Variants in DRC2 observed in about 807,000 individuals in gnomAD.
The protein encoded by DRC2 is dynein regulatory complex subunit 2.
At chr12:48,914,809 TC>T in the DRC2 span, among the ~76,000 whole-genome samples, 2 of 152,100 alleles carry the variant, frequency 1.3e-5, no homozygotes, top group African/African-American at 4.8e-5. Flanking sequence ...CCACCCACTT[TC>T]TTCTTTTTTT....
chr12:48,914,713 C>A, the DRC2 span: 1 of 767,472 alleles, frequency 1.3e-6, no homozygotes, highest in Non-Finnish European at 2.0e-6. Flanking sequence ...CAGAGAATAT[C>A]TTGGTTCCTT....
chr12:48,908,594 T>G, the DRC2 span, among the ~76,000 whole-genome samples: 1 of 122,264 alleles, frequency 8.2e-6, no homozygotes, highest in African/African-American at 2.8e-5. Context: ...TTATTATTAT[T>G]ATTATTATTA....
At chr12:48,921,451 T>A in the DRC2 span, 1,062 of 1,600,644 alleles carry the variant, frequency 6.6e-4, 2 homozygotes, top group African/African-American at 0.012. Context: ...TAAAATATAA[T>A]TGAAGCAGCC....
At chr12:48,912,834 TATG>T in the DRC2 span, among the ~76,000 whole-genome samples, 67 of 152,228 alleles carry the variant, frequency 4.4e-4, no homozygotes, top group African/African-American at 1.5e-3. Flanking sequence ...TGCTATTTTT[TATG>T]ATAAGATACC....
the DRC2 span, chr12:48,921,475 A>G: frequency 6.4e-7 from 1 of 1,573,612 alleles, no homozygotes; most frequent in Non-Finnish European, 8.6e-7. Flanking sequence ...ATGATCTTCC[A>G]CAACCTGTGA....
chr12:48,919,754 C>T, the DRC2 span, among the ~76,000 whole-genome samples: 6 of 151,884 alleles, frequency 4.0e-5, no homozygotes, highest in East Asian at 7.9e-4. Context: ...CTGACCTCAG[C>T]GATCCACCCA....
the DRC2 span, among the ~76,000 whole-genome samples, chr12:48,919,531 T>G: frequency 2.6e-5 from 4 of 151,324 alleles, no homozygotes; most frequent in African/African-American, 9.7e-5. Context: ...TTTTTTTTTT[T>G]GAGACGAAGT....
chr12:48,918,003 G>T, the DRC2 span: 1 of 381,976 alleles, frequency 2.6e-6, no homozygotes, highest in Non-Finnish European at 4.7e-6. Context: ...GGCAACACTG[G>T]GCCACATTTC....
the DRC2 span, among the ~76,000 whole-genome samples, chr12:48,919,070 ATTAAT>A: frequency 1.5e-4 from 23 of 152,076 alleles, no homozygotes; most frequent in Non-Finnish European, 1.9e-4. Context: ...ATTAAATTAA[ATTAAT>A]TTATTTATTT....
chr12:48,913,744 C>T, the DRC2 span, among the ~76,000 whole-genome samples: 1 of 152,064 alleles, frequency 6.6e-6, no homozygotes. Context: ...ATCCACCCGC[C>T]TTGGCCTCCC....
the DRC2 span, chr12:48,904,517 C>T: frequency 9.5e-6 from 15 of 1,578,472 alleles, no homozygotes; most frequent in Non-Finnish European, 1.3e-5. Flanking sequence ...CACCCCCTGC[C>T]CTGGCCCTGT....
chr12:48,912,122 T>C, the DRC2 span, among the ~76,000 whole-genome samples: 1 of 151,746 alleles, frequency 6.6e-6, no homozygotes, highest in East Asian at 1.9e-4. Context: ...TAGCCAGGTG[T>C]GGTGGTGTGT....
At chr12:48,918,596 T>C in the DRC2 span, 7 of 1,498,050 alleles carry the variant, frequency 4.7e-6, no homozygotes, top group East Asian at 1.6e-4. Flanking sequence ...TATGCTCTGA[T>C]TTCAGTCCCC....
the DRC2 span, among the ~76,000 whole-genome samples, chr12:48,920,445 A>AAAAT: frequency 1.5e-5 from 2 of 132,968 alleles, no homozygotes; most frequent in African/African-American, 5.1e-5. Context: ...CCATCTTAAA[A>AAAAT]AAAAAAAAAA....
the DRC2 span, chr12:48,921,380 C>T: frequency 1.9e-6 from 3 of 1,614,172 alleles, no homozygotes; most frequent in Non-Finnish European, 2.5e-6. Context: ...ATCAAAGCAA[C>T]TTACTCCAGC....
At chr12:48,906,224 TA>T in the DRC2 span, among the ~76,000 whole-genome samples, 1 of 152,026 alleles carries the variant, frequency 6.6e-6, no homozygotes, top group African/African-American at 2.4e-5. Context: ...CTTCCAGAGA[TA>T]AATATTAAGA....
the DRC2 span, among the ~76,000 whole-genome samples, chr12:48,920,441 T>TTTTAAAAAAAAA: frequency 2.4e-4 from 16 of 67,816 alleles, 2 homozygotes; most frequent in Non-Finnish European, 3.9e-4. Flanking sequence ...AACTCCATCT[T>TTTTAAAAAAAAA]AAAAAAAAAA....
At chr12:48,910,859 AC>A in the DRC2 span, among the ~76,000 whole-genome samples, 1 of 152,120 alleles carries the variant, frequency 6.6e-6, no homozygotes, top group Non-Finnish European at 1.5e-5. Context: ...GGCCTGGGCA[AC>A]ATGGTAAAAC....
At chr12:48,919,731 C>T in the DRC2 span, among the ~76,000 whole-genome samples, 2 of 151,766 alleles carry the variant, frequency 1.3e-5, no homozygotes, top group African/African-American at 2.4e-5. Flanking sequence ...TTGGCCAGGA[C>T]GTTCTCGAAC....
Sources: allele counts gnomAD v4.1 joint callset (sites outside exome capture counted in the v4.1 genomes callset), GRCh38; gene constraint gnomAD v4.1.1; transcripts MANE v1.5; gene names NCBI Gene and HGNC (gene_info 2026-07-23, HGNC 2026-07-21).